The following NELL2 variants were observed in gnomAD, a reference collection of about 807,000 sequenced individuals.
NELL2 encodes neural EGFL like 2, also known as protein kinase C-binding protein NELL2.
Under a neutral mutation model 109.6 loss-of-function variants are expected in NELL2, and 41 were observed. That is an observed-to-expected ratio of 0.37 (90% CI 0.29 to 0.49). The LOEUF is 0.49. Among genes scored for constraint, NELL2 ranks in the 20% least tolerant of loss-of-function variants. NELL2 has a pLI of 0.98. For missense variants in NELL2, 900 were observed against 1,008.3 expected (o/e 0.89, Z 1.45); for synonymous variants, 355 against 344.7 (o/e 1.03, Z -0.33).
chr12:44,582,634 T>C (rs1944362682), intron 15 of NELL2, among the ~76,000 whole-genome samples: 2 of 151,180 alleles, frequency 1.3e-5, no homozygotes, highest in African/African-American at 4.9e-5. Flanking sequence ...TAGGGAGTGA[T>C]GTAGTTATAG....
chr12:44,775,431 TTTA>T (rs1941720302), intron 8 of NELL2, among the ~76,000 whole-genome samples: 1 of 152,244 alleles, frequency 6.6e-6, no homozygotes, highest in Non-Finnish European at 1.5e-5. Flanking sequence ...AATTTAAAAG[TTTA>T]AAACCAAACT....
intron 9 of NELL2, among the ~76,000 whole-genome samples, chr12:44,726,739 A>C (rs1012402988): frequency 6.6e-6 from 1 of 152,142 alleles, no homozygotes; most frequent in Admixed American, 6.6e-5. Context: ...GTACTTTTTT[A>C]GTAATTTTAG....
chr12:44,516,534 T>A (rs1231833834), intron 19 of NELL2, among the ~76,000 whole-genome samples: 5 of 152,240 alleles, frequency 3.3e-5, no homozygotes, highest in African/African-American at 9.6e-5. Context: ...TTATTTATAA[T>A]TTTAGTTTAC....
chr12:44,510,312 G>T (rs1041750958), intron 19 of NELL2, among the ~76,000 whole-genome samples: 2 of 152,138 alleles, frequency 1.3e-5, no homozygotes, highest in African/African-American at 4.8e-5. Flanking sequence ...ACACGTTTTA[G>T]ATTCAGAAAC....
intron 15 of NELL2, among the ~76,000 whole-genome samples, chr12:44,539,322 G>GCAACA (rs1388640673): frequency 2.0e-5 from 3 of 151,956 alleles, no homozygotes; most frequent in African/African-American, 7.3e-5. Context: ...GGACTTCTCA[G>GCAACA]CAACACAACA....
At chr12:44,711,738 T>C (rs61464392) in intron 10 of NELL2, among the ~76,000 whole-genome samples, 4,680 of 152,106 alleles carry the variant, frequency 0.031, 231 homozygotes, top group African/African-American at 0.1. Context: ...GTTTGAATTA[T>C]ATCAACAGCT....
chr12:44,842,085 A>AGGGAGGGAGGG (rs1944242391), intron 2 of NELL2, among the ~76,000 whole-genome samples: 1 of 67,566 alleles, frequency 1.5e-5, no homozygotes, highest in Non-Finnish European at 3.0e-5. Flanking sequence ...GTAAGGACGG[A>AGGGAGGGAGGG]AGGGAGGGAG....
intron 3 of NELL2, among the ~76,000 whole-genome samples, chr12:44,794,525 G>C (rs1055032449): frequency 6.6e-6 from 1 of 152,094 alleles, no homozygotes; most frequent in African/African-American, 2.4e-5. Flanking sequence ...GTTATGCTAA[G>C]GTCACTGTGC....
intron 15 of NELL2, among the ~76,000 whole-genome samples, chr12:44,535,478 G>A (rs1341009405): frequency 6.6e-6 from 1 of 151,940 alleles, no homozygotes; most frequent in Non-Finnish European, 1.5e-5. Context: ...CAACACAGAT[G>A]CAATTTCTGC....
At chr12:44,531,179 G>C (rs1021277649) in intron 16 of NELL2, among the ~76,000 whole-genome samples, 8 of 152,120 alleles carry the variant, frequency 5.3e-5, no homozygotes, top group Admixed American at 5.2e-4. Flanking sequence ...ATGGGGAAAG[G>C]GGGGAAGAGA....
intron 2 of NELL2, among the ~76,000 whole-genome samples, chr12:44,825,307 T>C (rs1416300680): frequency 6.6e-6 from 1 of 152,060 alleles, no homozygotes; most frequent in African/African-American, 2.4e-5. Context: ...ATAGTTTTCA[T>C]TGTAGAGGTC....
intron 2 of NELL2, among the ~76,000 whole-genome samples, chr12:44,838,468 T>G (rs1325632599): frequency 6.6e-6 from 1 of 152,206 alleles, no homozygotes; most frequent in Non-Finnish European, 1.5e-5. Flanking sequence ...TCCATCATTT[T>G]CTAGTTTAAA....
intron 1 of NELL2, among the ~76,000 whole-genome samples, chr12:44,882,834 C>CTTTTTTTT (rs35577007): frequency 1.4e-5 from 1 of 73,310 alleles, no homozygotes; most frequent in Non-Finnish European, 2.4e-5. Flanking sequence ...GGCTATATAC[C>CTTTTTTTT]TTTTTTTTTT....
intron 12 of NELL2, among the ~76,000 whole-genome samples, chr12:44,675,553 G>A (rs1342313961): frequency 6.6e-6 from 1 of 151,970 alleles, no homozygotes; most frequent in Non-Finnish European, 1.5e-5. Flanking sequence ...TGAAAGATGA[G>A]GCCAACTTTG....
At chr12:44,776,694 C>T (rs994323892) in intron 7 of NELL2, among the ~76,000 whole-genome samples, 1 of 152,148 alleles carries the variant, frequency 6.6e-6, no homozygotes, top group African/African-American at 2.4e-5. Context: ...TTCTTTGATA[C>T]AATTCTGGTG....
rs201689169 is a variant in NELL2 at position 44,791,065 on chromosome 12, G to GTATATATATA, written c.336-11053_336-11044dup. Among the ~76,000 whole-genome samples the GTATATATATA allele has an allele frequency of 4.6e-3, 197 of 43,206 alleles. 4 individuals are homozygous for GTATATATATA. The highest frequency in any genetic ancestry group is 5.9e-3 in the South Asian group (6 of 1,018). The allele number at this position is 43,206 out of a possible 152,430, so 28.3% of individuals were successfully genotyped here. A position where few individuals can be genotyped will look rare whatever the true frequency, so the allele number is the denominator to read the frequency against. ...GATAGACACCAAGAAGAAAGTTCAA[G>GTATATATATA]TATATATATATATATACATATATAT... On this transcript the variant is annotated intron_variant, in intron 3 of 19. Transcript: ENST00000429094.
Position 44,582,438 on chromosome 12 carries a change from G to T in NELL2, c.1663+24731C>A, listed in dbSNP as rs201454802. On this transcript the variant is annotated intron_variant, in intron 15 of 19. Transcript: ENST00000429094. ...TAGGGTATTCATAAAGGTGTGTTTA[G>T]AATGATTAACCAATCAAAGTGGTAT... 2.6e-5 allele frequency among the ~76,000 whole-genome samples: 4 copies of T among 152,212 alleles called. No homozygotes were observed. In the East Asian group the frequency reaches 7.7e-4, roughly 29 times the overall value.
chr12:44,841,372 C>T (rs1378315086), intron 2 of NELL2, among the ~76,000 whole-genome samples: 1 of 152,132 alleles, frequency 6.6e-6, no homozygotes, highest in East Asian at 1.9e-4. Context: ...TACATATTTC[C>T]TCACAAAGGG....
intron 13 of NELL2, among the ~76,000 whole-genome samples, chr12:44,628,600 T>TC (rs1946347595): frequency 6.6e-6 from 1 of 152,196 alleles, no homozygotes; most frequent in Non-Finnish European, 1.5e-5. Flanking sequence ...CCCAGGTTCT[T>TC]CATCCCTCAG....
Sources: gnomAD v4.1 joint callset for allele counts (sites outside exome capture counted in the v4.1 genomes callset) on GRCh38, gnomAD v4.1.1 for gene constraint, MANE v1.5 for transcripts, NCBI Gene and HGNC (gene_info 2026-07-23, HGNC 2026-07-21) for gene names.